IRAG2: variants seen among roughly 807,000 people sequenced by gnomAD.
IRAG2 encodes inositol 1,4,5-triphosphate receptor associated 2.
A neutral mutation model predicts 69.9 loss-of-function variants in IRAG2; 45 were observed. The observed-to-expected ratio is 0.64, with a 90% CI of 0.51 to 0.83. The LOEUF is 0.83. IRAG2 is among the 40% of genes least tolerant of loss of function. The pLI, the probability that IRAG2 is intolerant of heterozygous loss-of-function variation, is 0.00. For missense variants in IRAG2, 520 were observed against 587.0 expected (o/e 0.89, Z 1.18); for synonymous variants, 193 against 202.4 (o/e 0.95, Z 0.40).
chr12:25,026,480 G>C (rs1428238577), intron 8 of IRAG2, among the ~76,000 whole-genome samples: 4 of 152,282 alleles, frequency 2.6e-5, no homozygotes, highest in Non-Finnish European at 4.4e-5. Context: ...ATAATGAAAA[G>C]GTGGTCGGAT....
chr12:25,096,403 C>T (rs1187119685), intron 14 of IRAG2, among the ~76,000 whole-genome samples: 1 of 152,108 alleles, frequency 6.6e-6, no homozygotes, highest in Non-Finnish European at 1.5e-5. Flanking sequence ...GGATGTTCAT[C>T]AGGAAGGGCA....
In IRAG2 at chr12:25,079,232, T is replaced by A; in HGVS notation, c.25-12T>A. ...AATTGTTGAACTTATGTCTCCTTTC[T>A]TTTTCCTTAAGGAGAATGGTGTTGA... On this transcript the variant is annotated splice_polypyrimidine_tract_variant and intron_variant, in intron 6 of 21. Transcript: ENST00000556887. 6.2e-7 allele frequency: 1 copy of A among 1,613,702 alleles called. No homozygotes were observed. Among genetic ancestry groups the A allele is most frequent in the Non-Finnish European group, 8.5e-7 (1 of 1,179,600 alleles).
chr12:25,026,952 A>G, intron 9 of IRAG2: 1 of 590,338 alleles, frequency 1.7e-6, no homozygotes, highest in Non-Finnish European at 2.5e-6. Flanking sequence ...TCATTGACAA[A>G]CTAAACTTTG....
At chr12:25,059,149 T>G (rs1203783211) in intron 1 of IRAG2, among the ~76,000 whole-genome samples, 2 of 152,146 alleles carry the variant, frequency 1.3e-5, no homozygotes, top group African/African-American at 4.8e-5. Flanking sequence ...GAATTTGTAT[T>G]TTGGAGATAC....
At chr12:25,024,062 G>A in intron 8 of IRAG2, 1 of 407,894 alleles carries the variant, frequency 2.5e-6, no homozygotes, top group Non-Finnish European at 4.2e-6. Flanking sequence ...AATTACAAGT[G>A]AGGAGGAATG....
In IRAG2 at chr12:25,107,890, T is replaced by C; in HGVS notation, c.1330T>C (p.Ser444Pro). 1 of 1,614,210 alleles carries C rather than the reference T, an allele frequency of 6.2e-7. No individual in the cohort carries two copies. Among genetic ancestry groups the C allele is most frequent in the South Asian group, 1.1e-5 (1 of 91,086 alleles). Residue 444 changes from serine to proline, a missense_variant, in exon 22 of 22, where the codon TCT becomes CCT. Ser to Pro is a moderately conservative substitution (Grantham distance 74). Coordinates refer to ENST00000556887, the MANE Select transcript of IRAG2 (RefSeq NM_001366544.2). ...AAAGGCTAATAAGGCCCTCTGGCTC[T>C]CTATTGCATTCATTGTACTGTTTGC... The part of the protein sequence containing the change: ...IRKANKALWL[S>P]IAFIVLFAAL...
chr12:25,017,136 A>T (rs544306875), exon 6 of IRAG2: 15 of 1,231,852 alleles, frequency 1.2e-5, no homozygotes, highest in Non-Finnish European at 1.5e-5. Flanking sequence ...ACTTGCAGAG[A>T]GGTGTCTGAT....
intron 6 of IRAG2, among the ~76,000 whole-genome samples, chr12:25,071,764 C>T (rs1020514009): frequency 3.4e-4 from 52 of 151,562 alleles, no homozygotes; most frequent in African/African-American, 1.3e-3. Flanking sequence ...ACATTTTAAT[C>T]ATAATTACTT....
At chr12:25,031,233 T>A (rs528920043) in intron 10 of IRAG2, 2 of 192,712 alleles carry the variant, frequency 1.0e-5, no homozygotes, top group Non-Finnish European at 1.9e-5. Flanking sequence ...ATTGCGGGTG[T>A]TCTCTATGTA....
intron 1 of IRAG2, among the ~76,000 whole-genome samples, chr12:25,055,724 C>A (rs888587255): frequency 6.6e-6 from 1 of 152,050 alleles, no homozygotes; most frequent in Admixed American, 6.6e-5. Context: ...TCTGTCCTTG[C>A]GATAGTTTGC....
chr12:25,001,285 A>T (rs762552882), upstream of IRAG2, among the ~76,000 whole-genome samples: 1 of 152,008 alleles, frequency 6.6e-6, no homozygotes, highest in Non-Finnish European at 1.5e-5. Context: ...GTACAAAAAA[A>T]ATTAAAAAAA....
intron 10 of IRAG2, among the ~76,000 whole-genome samples, chr12:25,086,084 C>A (rs1785869319): frequency 6.6e-6 from 1 of 151,602 alleles, no homozygotes; most frequent in African/African-American, 2.4e-5. Context: ...CTTCTCATCT[C>A]AAAAAAAATA....
intron 14 of IRAG2, among the ~76,000 whole-genome samples, chr12:25,092,267 G>T (rs1380812369): frequency 6.6e-6 from 1 of 152,116 alleles, no homozygotes; most frequent in Non-Finnish European, 1.5e-5. Context: ...AGGTGTGGTG[G>T]TGGGCGCCTG....
intron 16 of IRAG2, 98 bp downstream of exon 16, chr12:25,101,423 G>T (rs1302458135): frequency 2.5e-6 from 2 of 792,100 alleles, no homozygotes; most frequent in South Asian, 3.4e-5. Context: ...AAAACTCTTA[G>T]GTTAACTTTA....
Position 25,069,438 on chromosome 12 carries a change from G to A in IRAG2, c.24+7G>A, listed in dbSNP as rs1318478174. ...TGATGACCCAAGTATGGAAGTGAGT[G>A]TTGGACTGGATTTTGGTTTCATTTT... On this transcript the variant is annotated splice_region_variant and intron_variant, in intron 6 of 21. Coordinates refer to ENST00000556887, the MANE Select transcript of IRAG2 (RefSeq NM_001366544.2). 6.2e-7 allele frequency: 1 copy of A among 1,613,664 alleles called. No individual in the cohort carries two copies. The highest frequency in any genetic ancestry group is 1.7e-5 in the Admixed American group (1 of 60,002).
chr12:25,094,861 A>G (rs1165141802), intron 14 of IRAG2, among the ~76,000 whole-genome samples: 2 of 151,694 alleles, frequency 1.3e-5, no homozygotes, highest in African/African-American at 4.8e-5. Context: ...GGTTTTCTTA[A>G]TTTCTTTTTT....
chr12:25,028,846 C>T (rs965055452), intron 9 of IRAG2, among the ~76,000 whole-genome samples: 1 of 152,086 alleles, frequency 6.6e-6, no homozygotes, highest in Non-Finnish European at 1.5e-5. Flanking sequence ...ATATGTAAAA[C>T]AACAGTTATA....
At chr12:25,080,641 C>T (rs1286743470) in intron 9 of IRAG2, among the ~76,000 whole-genome samples, 6 of 152,200 alleles carry the variant, frequency 3.9e-5, no homozygotes, top group South Asian at 4.1e-4. Context: ...TGTGAGCCAC[C>T]GCGCCTGGCC....
chr12:25,086,155 G>C (rs1321631679), intron 10 of IRAG2, among the ~76,000 whole-genome samples: 1 of 152,174 alleles, frequency 6.6e-6, no homozygotes, highest in Admixed American at 6.6e-5. Flanking sequence ...TGTGGGACTG[G>C]TTAGGATACT....
Sources: gnomAD v4.1 joint callset for allele counts (sites outside exome capture counted in the v4.1 genomes callset) on GRCh38, gnomAD v4.1.1 for gene constraint, MANE v1.5 for transcripts, NCBI Gene and HGNC (gene_info 2026-07-23, HGNC 2026-07-21) for gene names.